Variants in LINGO2 observed in about 807,000 individuals in gnomAD.
LINGO2 encodes leucine rich repeat and Ig domain containing 2.
Under a neutral mutation model 30.6 loss-of-function variants are expected in LINGO2, and 14 were observed. That is an observed-to-expected ratio of 0.46 (90% confidence interval 0.30 to 0.72). The LOEUF is 0.72. Among genes scored for constraint, LINGO2 ranks in the 30% least tolerant of loss-of-function variants. The pLI, the probability that LINGO2 is intolerant of heterozygous loss-of-function variation, is 0.07. For synonymous variants in LINGO2, 317 were observed against 288.5 expected (o/e 1.10, Z -1.00); for missense variants, 729 against 751.7 (o/e 0.97, Z 0.35).
At chr9:28,524,538 A>G (rs915364449) in intron 1 of LINGO2, among the ~76,000 whole-genome samples, 1 of 152,166 alleles carries the variant, frequency 6.6e-6, no homozygotes, top group Non-Finnish European at 1.5e-5. Flanking sequence ...GGGGATCACA[A>G]GGTCAGGAGT....
chr9:29,173,199 T>C, the LINGO2 span, among the ~76,000 whole-genome samples: 1 of 152,062 alleles, frequency 6.6e-6, no homozygotes, highest in Non-Finnish European at 1.5e-5. Flanking sequence ...AAGATTGGAA[T>C]AGAGTGTCCT....
chr9:28,421,499 A>T (rs975717786), intron 2 of LINGO2, among the ~76,000 whole-genome samples: 2 of 151,766 alleles, frequency 1.3e-5, no homozygotes, highest in Non-Finnish European at 2.9e-5. Context: ...AAAAAAAAAC[A>T]AAGTTAGAGG....
At chr9:28,261,671 T>A (rs1410797407) in intron 4 of LINGO2, among the ~76,000 whole-genome samples, 1 of 151,822 alleles carries the variant, frequency 6.6e-6, no homozygotes, top group Non-Finnish European at 1.5e-5. Flanking sequence ...TATAATTCTT[T>A]GAGAAAAAAA....
At chr9:28,201,879 C>T (rs887068744) in intron 4 of LINGO2, among the ~76,000 whole-genome samples, 24 of 152,084 alleles carry the variant, frequency 1.6e-4, no homozygotes, top group African/African-American at 4.1e-4. Context: ...ATGAGCCCAC[C>T]GCTCTAGCAG....
intron 4 of LINGO2, among the ~76,000 whole-genome samples, chr9:28,024,695 A>G (rs1322146006): frequency 2.6e-5 from 4 of 152,124 alleles, no homozygotes; most frequent in African/African-American, 7.2e-5. Flanking sequence ...GTGAGTTCCA[A>G]TGTTCCAAAG....
rs1208437937 is a variant in LINGO2 at position 28,450,634 on chromosome 9, T to C, written c.-279+25306A>G. Among the ~76,000 whole-genome samples the C allele has an allele frequency of 3.3e-5, 5 of 152,038 alleles. No homozygotes were observed. In the East Asian group the frequency reaches 9.6e-4, roughly 29 times the overall value. ...TGGAATTAAACATTTCTCTACCTAA[T>C]TAGTTTACTTATCAAATCAACCTAA... On this transcript the variant is annotated intron_variant, in intron 2 of 5. Transcript: ENST00000379992.
downstream of LINGO2, chr9:27,944,614 G>T (rs1276737925): frequency 6.6e-6 from 1 of 152,114 alleles, no homozygotes; most frequent in Non-Finnish European, 1.5e-5. Flanking sequence ...AAACATCAAG[G>T]GTTCTAGCTG....
intron 1 of LINGO2, among the ~76,000 whole-genome samples, chr9:28,547,094 C>T (rs536036492): frequency 1.3e-5 from 2 of 152,070 alleles, no homozygotes; most frequent in African/African-American, 2.4e-5. Flanking sequence ...TCCTGAGACA[C>T]TAAACATGTC....
rs1271037127 is a variant in LINGO2, at chr9:28,329,385, T to G, written c.-245-34019A>C. Among the ~76,000 whole-genome samples the G allele has an allele frequency of 6.6e-6, 1 of 152,110 alleles. No homozygotes were observed. The highest frequency in any genetic ancestry group is 2.4e-5 in the African/African-American group (1 of 41,404). On this transcript the variant is annotated intron_variant, in intron 3 of 5. Coordinates refer to ENST00000379992, the Ensembl canonical transcript of LINGO2. The surrounding 1 kb of genome is among the most constrained non-coding windows in gnomAD (Gnocchi z 4.5). ...CCTGTTACTAAACCCCTTCTCTCCA[T>G]ATGGCTTAACTTGAGGGCTTGGGCT...
chr9:29,091,668 G>A, the LINGO2 span, among the ~76,000 whole-genome samples: 65,942 of 151,704 alleles, frequency 0.43, 14,531 homozygotes, highest in East Asian at 0.54. Context: ...TGTCTATCTC[G>A]TCCACAGGAC....
chr9:28,589,684 C>T (rs1163131196), intron 1 of LINGO2, among the ~76,000 whole-genome samples: 3 of 152,160 alleles, frequency 2.0e-5, no homozygotes, highest in Admixed American at 1.3e-4. Flanking sequence ...ATTCCATGCT[C>T]ATGGGTAGGA....
intron 4 of LINGO2, among the ~76,000 whole-genome samples, chr9:28,175,825 G>T (rs540284086): frequency 7.2e-5 from 11 of 152,298 alleles, no homozygotes; most frequent in Middle Eastern, 6.8e-3. Context: ...TTAGGTGTTT[G>T]ATTTATGTAT....
chr9:28,047,462 A>C (rs1824478605), intron 4 of LINGO2, among the ~76,000 whole-genome samples: 1 of 144,196 alleles, frequency 6.9e-6, no homozygotes, highest in African/African-American at 2.6e-5. Flanking sequence ...GTAACTTTTT[A>C]TTCAACATTT....
the LINGO2 span, among the ~76,000 whole-genome samples, chr9:29,199,603 T>A: frequency 6.6e-6 from 1 of 152,064 alleles, no homozygotes; most frequent in Non-Finnish European, 1.5e-5. Context: ...ACTCCCCTTT[T>A]CCCAATAGAG....
At chr9:28,819,656 G>A in the LINGO2 span, among the ~76,000 whole-genome samples, 1 of 152,106 alleles carries the variant, frequency 6.6e-6, no homozygotes, top group East Asian at 1.9e-4. Flanking sequence ...AGGGCCTAAT[G>A]AGGAAGACAT....
At chr9:28,844,039 T>G in the LINGO2 span, among the ~76,000 whole-genome samples, 1 of 151,822 alleles carries the variant, frequency 6.6e-6, no homozygotes, top group Non-Finnish European at 1.5e-5. Flanking sequence ...ACACCTTGTA[T>G]TTAAAATGAA....
At chr9:28,360,636 T>C (rs1480229003) in intron 3 of LINGO2, among the ~76,000 whole-genome samples, 2 of 152,214 alleles carry the variant, frequency 1.3e-5, no homozygotes, top group Non-Finnish European at 2.9e-5. Flanking sequence ...AAACCGCAGA[T>C]AGTACCAAAC....
the LINGO2 span, among the ~76,000 whole-genome samples, chr9:29,195,693 G>A: frequency 9.2e-5 from 14 of 152,026 alleles, no homozygotes; most frequent in Non-Finnish European, 1.8e-4. Context: ...AAAATATTTT[G>A]CTAATATTGA....
At chr9:28,423,797 G>T (rs531060797) in intron 2 of LINGO2, among the ~76,000 whole-genome samples, 3 of 152,178 alleles carry the variant, frequency 2.0e-5, no homozygotes, top group Non-Finnish European at 4.4e-5. Context: ...GGTGAATAAG[G>T]TGTATAATAT....
Sources: gnomAD v4.1 joint callset for allele counts (sites outside exome capture counted in the v4.1 genomes callset) on GRCh38, gnomAD v4.1.1 for gene constraint, Gnocchi (gnomAD v3.1) non-coding constraint, MANE v1.5 for transcripts, NCBI Gene and HGNC (gene_info 2026-07-23, HGNC 2026-07-21) for gene names.